The following LRSAM1 variants were observed in gnomAD, a reference collection of about 807,000 sequenced individuals.
LRSAM1 encodes leucine rich repeat and sterile alpha motif containing 1.
Under a neutral mutation model 118.1 loss-of-function variants are expected in LRSAM1, and 96 were observed. The observed-to-expected ratio is 0.81, with a 90% CI of 0.69 to 0.96. LRSAM1 has a LOEUF of 0.96. LRSAM1 is among the 40% of genes least tolerant of loss of function. LRSAM1 has a pLI of 0.00. For missense variants in LRSAM1, 804 were observed against 915.5 expected (o/e 0.88, Z 1.57); for synonymous variants, 322 against 364.2 (o/e 0.88, Z 1.32).
At chr9:127,469,768 CCTGACTAACA>C (rs1835096867) in intron 10 of LRSAM1, among the ~76,000 whole-genome samples, 1 of 152,286 alleles carries the variant, frequency 6.6e-6, no homozygotes, top group South Asian at 2.1e-4. Flanking sequence ...TTGAGACCAT[CCTGACTAACA>C]CAGTGAAACC....
Position 127,473,651 on chromosome 9 carries a change from C to T in LRSAM1, c.620-150C>T, listed in dbSNP as rs1012926509. The T allele has an allele frequency of 4.7e-5, 49 of 1,046,878 alleles. No homozygotes were observed. In the Admixed American group the frequency reaches 5.3e-4, roughly 11 times the overall value. The allele number at this position is 1,046,878 out of a possible 1,614,324, so 64.8% of individuals were successfully genotyped here. On this transcript the variant is annotated intron_variant, in intron 10 of 25. Coordinates refer to ENST00000300417, the MANE Select transcript of LRSAM1 (RefSeq NM_001005373.4). ...CACATTCCAGGCCCAGGGCTAGGACCGGTGAAAAACACGAAGCGCCCAGGC... is the reference window on the plus strand; with the variant it reads ...CACATTCCAGGCCCAGGGCTAGGACTGGTGAAAAACACGAAGCGCCCAGGC...
At position 127,479,998 on chromosome 9, in the gene LRSAM1, C is replaced by G. The variant is rs1185882157; in HGVS notation, c.1043+20C>G. The G allele has an allele frequency of 6.2e-7, 1 of 1,614,040 alleles. No homozygotes were observed. Among genetic ancestry groups the G allele is most frequent in the African/African-American group, 1.3e-5 (1 of 74,944 alleles). On this transcript the variant is annotated intron_variant, in intron 14 of 25. Coordinates refer to ENST00000300417, the MANE Select transcript of LRSAM1 (RefSeq NM_001005373.4). ...TCAGAGGTTGGGCTCTGCTCCTCGG[C>G]CCCAGCCCCAGAGTCCTTCCCCGTG...
At position 127,492,783 on chromosome 9, in the gene LRSAM1, G is replaced by A. The variant is rs1293298669; in HGVS notation, c.1504-19G>A. The A allele has an allele frequency of 6.2e-7, 1 of 1,611,368 alleles. No homozygotes were observed. On this transcript the variant is annotated intron_variant, in intron 20 of 25. Transcript: ENST00000300417. ...CTGCCGCCAGCTCACGGTGGTGCGG[G>A]GTGTGGTCTTGTTCGCAGGAGATGA...
chr9:127,477,041 T>C (rs1037384868), intron 11 of LRSAM1, among the ~76,000 whole-genome samples: 7 of 152,236 alleles, frequency 4.6e-5, no homozygotes, highest in Admixed American at 6.5e-5. Flanking sequence ...TAAAGATTCA[T>C]AGAATTGTTC....
At chr9:127,492,938 T>G in intron 21 of LRSAM1, 41 bp downstream of exon 21, 2 of 1,564,462 alleles carry the variant, frequency 1.3e-6, no homozygotes, top group Non-Finnish European at 1.8e-6. Context: ...CACAGGCATT[T>G]GCTTTTCTTT....
At chr9:127,468,363 T>C (rs2132032693) in intron 10 of LRSAM1, among the ~76,000 whole-genome samples, 1 of 152,240 alleles carries the variant, frequency 6.6e-6, no homozygotes, top group South Asian at 2.1e-4. Context: ...GTTAGGAGGC[T>C]GTCGGGGTCA....
rs1407095809 is a variant in LRSAM1 at position 127,466,514 on chromosome 9, TTTTTTTTTTTTTTTTTC to T, written c.529-1225_529-1209del. Among the ~76,000 whole-genome samples, 5 of 76,980 alleles carry T rather than the reference TTTTTTTTTTTTTTTTTC, an allele frequency of 6.5e-5. No homozygotes were observed. In the East Asian group the frequency reaches 1.1e-3, roughly 18 times the overall value. 50.5% of individuals were successfully genotyped at this position (76,980 alleles called of 152,430 possible). On this transcript the variant is annotated intron_variant, in intron 9 of 25. Transcript: ENST00000300417. ...TATATATATATATATATTTTTTTTTTTTTTTTTTTTTTTTTTCCACTAGAGATGGGGTCTCGCTATGT... is the reference window on the plus strand; with the variant it reads ...TATATATATATATATATTTTTTTTTTCACTAGAGATGGGGTCTCGCTATGT...
Position 127,465,519 on chromosome 9 carries a change from A to T in LRSAM1, c.529-2221A>T, listed in dbSNP as rs1406852830. ...GACTAAGAGCACCCATGTGGGGTTCATTTGCTTCCAGGTATGGGGTTTTCT... is the reference window on the plus strand; with the variant it reads ...GACTAAGAGCACCCATGTGGGGTTCTTTTGCTTCCAGGTATGGGGTTTTCT... On this transcript the variant is annotated intron_variant, in intron 9 of 25. Coordinates refer to ENST00000300417, the MANE Select transcript of LRSAM1 (RefSeq NM_001005373.4). The surrounding 1 kb of genome is among the most constrained non-coding windows in gnomAD (Gnocchi z 4.1). 1.3e-5 allele frequency among the ~76,000 whole-genome samples: 2 copies of T among 152,178 alleles called. No homozygotes were observed. The highest frequency in any genetic ancestry group is 2.9e-5 in the Non-Finnish European group (2 of 68,030).
intron 23 of LRSAM1, 35 bp from the exon 24 acceptor site, chr9:127,497,218 C>A: frequency 6.2e-7 from 1 of 1,610,164 alleles, no homozygotes. Flanking sequence ...GGCTCCCGCC[C>A]AGGCCACAGT....
intron 15 of LRSAM1, 83 bp from the exon 16 acceptor site, chr9:127,482,867 C>T (rs2132072817): frequency 3.0e-6 from 4 of 1,352,700 alleles, no homozygotes; most frequent in Non-Finnish European, 3.1e-6. Context: ...AGGAGGCCTT[C>T]CTGGAGGAGG....
At chr9:127,499,055 C>CCA (rs766123152) in intron 24 of LRSAM1, among the ~76,000 whole-genome samples, 7 of 134,268 alleles carry the variant, frequency 5.2e-5, no homozygotes, top group Non-Finnish European at 1.1e-4. Context: ...AACTCTGTCT[C>CCA]AAAAAAAAAA....
chr9:127,502,968 A>G lies in LRSAM1; in HGVS notation c.*69A>G. 3 of 1,545,602 alleles carry G rather than the reference A, an allele frequency of 1.9e-6. 1 individual carries two copies. The South Asian group carries it at 3.6e-5, about 18-fold the overall frequency. On this transcript the variant is annotated 3_prime_UTR_variant, in exon 26 of 26. Transcript: ENST00000300417. ...CACTGTGAGCCCCGGGCTCCTGCTC[A>G]GCCTTGTGCCAGCCAGACTCGTATG...
At chr9:127,494,838 G>A (rs946015571) in intron 21 of LRSAM1, among the ~76,000 whole-genome samples, 2 of 152,170 alleles carry the variant, frequency 1.3e-5, no homozygotes, top group South Asian at 2.1e-4. Context: ...CCAGCTACTC[G>A]GGCACTCCAG....
intron 20 of LRSAM1, 23 bp from the exon 21 acceptor site, chr9:127,492,779 G>A (rs1489039976): frequency 6.2e-7 from 1 of 1,610,652 alleles, no homozygotes; most frequent in African/African-American, 1.3e-5. Context: ...TCACGGTGGT[G>A]CGGGGTGTGG....
In LRSAM1 at chr9:127,465,830, C is replaced by A. The variant is rs372458173; in HGVS notation, c.529-1910C>A. 6.6e-6 allele frequency among the ~76,000 whole-genome samples: 1 copy of A among 152,126 alleles called. No homozygotes were observed. The highest frequency in any genetic ancestry group is 6.5e-5 in the Admixed American group (1 of 15,268). On this transcript the variant is annotated intron_variant, in intron 9 of 25. Coordinates refer to ENST00000300417, the MANE Select transcript of LRSAM1 (RefSeq NM_001005373.4). The surrounding 1 kb of genome is among the most constrained non-coding windows in gnomAD (Gnocchi z 4.1). ...CCTGTGGGAAGTCAGAGGTTGGCAG[C>A]GGGAGGGCAGGGTCCAACACAACTC...
chr9:127,498,991 A>AAGTT (rs1479327227), intron 24 of LRSAM1, among the ~76,000 whole-genome samples: 1 of 151,818 alleles, frequency 6.6e-6, no homozygotes, highest in Non-Finnish European at 1.5e-5. Flanking sequence ...CAGGAGGCGG[A>AAGTT]AGTTACAGTG....
At chr9:127,453,250 T>C (rs1276716669) in intron 2 of LRSAM1, among the ~76,000 whole-genome samples, 1 of 151,974 alleles carries the variant, frequency 6.6e-6, no homozygotes, top group East Asian at 1.9e-4. Context: ...CCCAGCTTCT[T>C]TGTGTATTTT....
chr9:127,486,381 C>G (rs1049622938), intron 17 of LRSAM1: 1 of 164,120 alleles, frequency 6.1e-6, no homozygotes, highest in African/African-American at 2.4e-5. Flanking sequence ...CCTGTGCTCA[C>G]TGGGCACTGT....
At chr9:127,495,918 G>A (rs1469486786) in intron 22 of LRSAM1, 46 bp from the exon 23 acceptor site, 1 of 1,607,180 alleles carries the variant, frequency 6.2e-7, no homozygotes, top group Non-Finnish European at 8.5e-7. Context: ...TAAACAGTGG[G>A]TTCTTTTCTT....
Sources: allele counts gnomAD v4.1 joint callset (sites outside exome capture counted in the v4.1 genomes callset), GRCh38; gene constraint gnomAD v4.1.1; non-coding constraint Gnocchi (gnomAD v3.1); transcripts MANE v1.5; gene names NCBI Gene and HGNC (gene_info 2026-07-23, HGNC 2026-07-21).